The following MIAT variants were observed in gnomAD, a reference collection of about 807,000 sequenced individuals.
The protein encoded by MIAT is myocardial infarction associated transcript, also known as MI related novel mRNA.
rs1167951244 is a variant in MIAT at position 26,660,116 on chromosome 22, G to A, written n.647-3200G>A. Reference sequence around the variant, plus strand: ...CTCCCAAAATGCTGGGATTACAGGCGTGAGCCCCCACACCTGACCTGAAAA... The same window carrying A: ...CTCCCAAAATGCTGGGATTACAGGCATGAGCCCCCACACCTGACCTGAAAA... On this transcript the variant is annotated intron_variant and non_coding_transcript_variant, in intron 2 of 5. Coordinates refer to ENST00000643270, the Ensembl canonical transcript of MIAT. 4.6e-5 allele frequency among the ~76,000 whole-genome samples: 7 copies of A among 151,206 alleles called. 1 individual carries two copies. The highest frequency in any genetic ancestry group is 1.3e-4 in the Admixed American group (2 of 15,218).
intron 2 of MIAT, among the ~76,000 whole-genome samples, chr22:26,656,419 G>C (rs975186624): frequency 6.6e-6 from 1 of 151,464 alleles, no homozygotes; most frequent in Non-Finnish European, 1.5e-5. Context: ...CCGCCTCCCG[G>C]GTTCGAGTGA....
downstream of MIAT, chr22:26,673,981 A>G (rs1033892763): frequency 7.3e-5 from 29 of 398,582 alleles, no homozygotes; most frequent in African/African-American, 5.3e-4. Flanking sequence ...GCACAAGTAG[A>G]TGCAGCTCTT....
At chr22:26,667,449 G>A (rs1930894911) in intron 5 of MIAT, 1 of 394,036 alleles carries the variant, frequency 2.5e-6, no homozygotes, top group Non-Finnish European at 4.5e-6. Flanking sequence ...TGTGTATGTT[G>A]GGGGTGGTGG....
At chr22:26,670,724 G>C, downstream of MIAT, 1 of 398,388 alleles carries the variant, frequency 2.5e-6, no homozygotes, top group Non-Finnish European at 4.4e-6. Context: ...TCAGGGACAG[G>C]GCATAGGATG....
chr22:26,659,127 A>T (rs1307165279), intron 2 of MIAT, among the ~76,000 whole-genome samples: 1 of 151,972 alleles, frequency 6.6e-6, no homozygotes, highest in Non-Finnish European at 1.5e-5. Context: ...TGGGTATCTG[A>T]TGTTTACTCA....
chr22:26,654,870 C>T (rs34025137), intron 2 of MIAT, among the ~76,000 whole-genome samples: 4,661 of 152,126 alleles, frequency 0.031, 104 homozygotes, highest in Non-Finnish European at 0.048. Flanking sequence ...TACCACCATG[C>T]CCGGCTAATT....
chr22:26,672,468 A>G (rs1192126946), downstream of MIAT: 1 of 399,442 alleles, frequency 2.5e-6, no homozygotes, highest in East Asian at 3.6e-5. Context: ...CATCTCTCCT[A>G]TGTGCAGAAG....
chr22:26,652,904 T>C (rs1476084149), intron 2 of MIAT, among the ~76,000 whole-genome samples: 1 of 152,140 alleles, frequency 6.6e-6, no homozygotes, highest in Non-Finnish European at 1.5e-5. Context: ...TCTTATGGGC[T>C]CCTGGGGTCC....
At chr22:26,647,630 T>C (rs763273) in intron 2 of MIAT, among the ~76,000 whole-genome samples, 25,471 of 151,980 alleles carry the variant, frequency 0.17, 2,268 homozygotes, top group South Asian at 0.31. Context: ...GGGCCAGCCA[T>C]GGCAGGGTAA....
intron 2 of MIAT, among the ~76,000 whole-genome samples, chr22:26,662,731 C>G (rs776332016): frequency 6.6e-6 from 1 of 152,108 alleles, no homozygotes; most frequent in South Asian, 2.1e-4. Flanking sequence ...CTCAGATCTC[C>G]GAGTAGTCAT....
intron 4 of MIAT, chr22:26,667,036 C>T: frequency 2.5e-6 from 1 of 398,100 alleles, no homozygotes; most frequent in Non-Finnish European, 4.4e-6. Context: ...CCTCCTCAGG[C>T]CCAGAACGCT....
intron 2 of MIAT, among the ~76,000 whole-genome samples, chr22:26,655,309 A>T (rs1208261753): frequency 6.6e-6 from 1 of 152,198 alleles, no homozygotes; most frequent in Non-Finnish European, 1.5e-5. Flanking sequence ...CCAGCAACAG[A>T]TGTGTAGTCC....
chr22:26,661,937 TATATATATATATATATATATATATAC>T lies in MIAT; in HGVS notation n.647-1377_647-1352del, dbSNP rs1319344264. ...AGATCCATATATATATATATATATA[TATATATATATATATATATATATATAC>T]ACACACACACATATACATGGATCTG... is the stretch of plus-strand genomic sequence containing the variant. On this transcript the variant is annotated intron_variant and non_coding_transcript_variant, in intron 2 of 5. Coordinates refer to ENST00000643270, the Ensembl canonical transcript of MIAT. Among the ~76,000 whole-genome samples, 10 of 38,106 alleles carry T rather than the reference TATATATATATATATATATATATATAC, an allele frequency of 2.6e-4. 1 individual carries two copies. The highest frequency in any genetic ancestry group is 4.9e-4 in the Non-Finnish European group (9 of 18,302). 25.0% of individuals were successfully genotyped at this position (38,106 alleles called of 152,430 possible). A position where few individuals can be genotyped will look rare whatever the true frequency, so the allele number is the denominator to read the frequency against.
intron 2 of MIAT, chr22:26,657,123 TTCAGGCTTCTGCGCCCCTGGTCCGCGG>T (rs1467766372): frequency 5.5e-6 from 1 of 181,222 alleles, no homozygotes; most frequent in Non-Finnish European, 1.1e-5. Context: ...TACTCCGGGG[TTCAGGCTTCTGCGCCCCTGGTCCGCGG>T]TCGCGCGCAG....
chr22:26,673,520 C>T (rs181188985), downstream of MIAT: 260 of 398,768 alleles, frequency 6.5e-4, no homozygotes, highest in African/African-American at 4.4e-3. Flanking sequence ...CTCCTGCCTT[C>T]CTGGTCTGTT....
intron 2 of MIAT, among the ~76,000 whole-genome samples, chr22:26,662,907 GATAATA>G (rs1253048995): frequency 1.3e-5 from 2 of 152,154 alleles, no homozygotes; most frequent in Non-Finnish European, 2.9e-5. Context: ...TGTGGTCAGT[GATAATA>G]ATAATAATGA....
chr22:26,668,289 C>T (rs900762867), exon 6 of MIAT: 1 of 398,602 alleles, frequency 2.5e-6, no homozygotes, highest in Non-Finnish European at 4.4e-6. Context: ...TGGGTGACTC[C>T]CTGAAGATCT....
At chr22:26,653,724 A>G (rs1437779937) in intron 2 of MIAT, among the ~76,000 whole-genome samples, 1 of 152,116 alleles carries the variant, frequency 6.6e-6, no homozygotes, top group Non-Finnish European at 1.5e-5. Context: ...GTCAGTGGTA[A>G]TTGGTCATCT....
exon 6 of MIAT, chr22:26,669,239 G>A (rs1441297551): frequency 2.5e-5 from 10 of 398,656 alleles, no homozygotes; most frequent in Non-Finnish European, 4.0e-5. Flanking sequence ...CCAGAATGCG[G>A]AGTGGTGTGT....
Sources: gnomAD v4.1 joint callset for allele counts (sites outside exome capture counted in the v4.1 genomes callset) on GRCh38, gnomAD v4.1.1 for gene constraint, MANE v1.5 for transcripts, NCBI Gene and HGNC (gene_info 2026-07-23, HGNC 2026-07-21) for gene names.